Variants in SETBP1 observed in about 807,000 individuals in gnomAD.
SETBP1 encodes SET-binding protein.
Under a neutral mutation model 101.0 loss-of-function variants are expected in SETBP1, and 9 were observed. The observed-to-expected ratio is 0.09, with a 90% CI of 0.05 to 0.16. The LOEUF is 0.16. Among genes scored for constraint, SETBP1 ranks in the 10% least tolerant of loss-of-function variants. SETBP1 has a pLI of 1.00. For missense variants in SETBP1, 1,858 were observed against 2,033.8 expected, an observed-to-expected ratio of 0.91 and a Z score of 1.66; for synonymous variants, 818 against 788.5, an observed-to-expected ratio of 1.04 and a Z score of -0.63.
chr18:44,844,351 G>GCA lies in SETBP1; in HGVS notation c.487-24878_487-24877insAC, dbSNP rs201004447. 1.7e-3 allele frequency among the ~76,000 whole-genome samples: 183 copies of GCA among 106,142 alleles called. 1 individual carries two copies. The highest frequency in any genetic ancestry group is 0.014 in the East Asian group (39 of 2,876). 69.6% of individuals were successfully genotyped at this position (106,142 alleles called of 152,430 possible). A position where few individuals can be genotyped will look rare whatever the true frequency, so the allele number is the denominator to read the frequency against. ...CCCACACACACACGTGCACACACGCGCGCACACACACACACACACACTATT... is the reference window on the plus strand; with the variant it reads ...CCCACACACACACGTGCACACACGCGCACGCACACACACACACACACACTATT... On this transcript the variant is annotated intron_variant, in intron 2 of 5. Transcript: ENST00000649279.
rs746987130 is a variant in SETBP1, at chr18:44,953,030, C to T, written c.3690C>T (p.Thr1230=). 6.2e-6 allele frequency: 10 copies of T among 1,613,930 alleles called. No individual in the cohort carries two copies. In the South Asian group the frequency reaches 9.9e-5, roughly 16 times the overall value. Residue 1230 remains threonine (T), a synonymous_variant, in exon 4 of 6, where the codon ACC becomes ACT. Coordinates refer to ENST00000649279, the MANE Select transcript of SETBP1 (RefSeq NM_015559.3). ...KASKNNFEVD[T]LSTLSLSDAQ... is the part of the protein sequence containing the mutation. ...CTAAGAACAACTTTGAGGTGGACAC[C>T]CTGTCTACACTGTCACTTTCCGACG...
At chr18:44,851,306 T>A (rs1429442268) in intron 2 of SETBP1, among the ~76,000 whole-genome samples, 1 of 152,190 alleles carries the variant, frequency 6.6e-6, no homozygotes, top group Non-Finnish European at 1.5e-5. Context: ...ATGGTAGTGA[T>A]GTTTATGATC....
intron 4 of SETBP1, among the ~76,000 whole-genome samples, chr18:44,961,260 A>C (rs1423324876): frequency 6.6e-6 from 1 of 152,242 alleles, no homozygotes; most frequent in African/African-American, 2.4e-5. Context: ...GAAAGAAGTG[A>C]TCAGCAGAGC....
At chr18:44,883,874 G>C (rs2069583940) in intron 3 of SETBP1, among the ~76,000 whole-genome samples, 1 of 152,130 alleles carries the variant, frequency 6.6e-6, no homozygotes, top group African/African-American at 2.4e-5. Context: ...CTTTTGTTCA[G>C]TCATGAGACA....
chr18:44,813,836 T>C (rs1220251439), intron 2 of SETBP1, among the ~76,000 whole-genome samples: 1 of 152,198 alleles, frequency 6.6e-6, no homozygotes, highest in Non-Finnish European at 1.5e-5. Flanking sequence ...GGACCACATC[T>C]GTTTCTGGAC....
intron 3 of SETBP1, among the ~76,000 whole-genome samples, chr18:44,932,809 A>T (rs905874775): frequency 1.3e-5 from 2 of 151,912 alleles, no homozygotes; most frequent in African/African-American, 4.8e-5. Context: ...TCATTTAAGG[A>T]CTTCTCTACA....
rs940213268 is a variant in SETBP1 at position 45,015,893 on chromosome 18, A to C, written c.4001-22592A>C. Among the ~76,000 whole-genome samples, 13 of 152,208 alleles carry C rather than the reference A, an allele frequency of 8.5e-5. 1 individual carries two copies. On this transcript the variant is annotated intron_variant, in intron 4 of 5. Transcript: ENST00000649279. ...TGGGGATATTCTGTTCTTGAGTTAC[A>C]TGCTCTTACAAGATGTCACATGTAT...
At chr18:44,990,667 C>A (rs781754286) in intron 4 of SETBP1, among the ~76,000 whole-genome samples, 12 of 151,290 alleles carry the variant, frequency 7.9e-5, no homozygotes, top group East Asian at 1.9e-4. Context: ...ACAGACCCCC[C>A]CACACACACG....
Position 44,952,702 on chromosome 18 carries a change from T to C in SETBP1, c.3362T>C (p.Val1121Ala), listed in dbSNP as rs113314121. ...AKHGVHLQGP[V>A]SMGLGDMQPS... Reference sequence around the variant, plus strand: ...CATGGAGTACACCTGCAGGGACCTGTTAGCATGGGCCTTGGTGACATGCAG... The same window carrying C: ...CATGGAGTACACCTGCAGGGACCTGCTAGCATGGGCCTTGGTGACATGCAG... The change falls in exon 4 of 6, where the codon GTT becomes GCT. Residue 1121 changes from valine to alanine, a missense_variant. Transcript: ENST00000649279. 6.2e-7 allele frequency: 1 copy of C among 1,614,066 alleles called. No individual in the cohort carries two copies. The highest frequency in any genetic ancestry group is 8.5e-7 in the Non-Finnish European group (1 of 1,180,006).
intron 2 of SETBP1, among the ~76,000 whole-genome samples, chr18:44,728,132 A>T (rs1450273052): frequency 6.6e-6 from 1 of 152,230 alleles, no homozygotes; most frequent in Non-Finnish European, 1.5e-5. Context: ...AGACAGAATA[A>T]TGCACTTCTA....
chr18:44,897,101 A>G (rs2069923015), intron 3 of SETBP1, among the ~76,000 whole-genome samples: 2 of 152,154 alleles, frequency 1.3e-5, no homozygotes, highest in African/African-American at 4.8e-5. Flanking sequence ...GCCTTGTTGC[A>G]GAAAAGCACG....
intron 3 of SETBP1, among the ~76,000 whole-genome samples, chr18:44,907,640 A>T (rs934276914): frequency 2.6e-5 from 4 of 152,180 alleles, no homozygotes; most frequent in African/African-American, 7.2e-5. Context: ...GCTTCTGGCC[A>T]TATGTATATT....
chr18:45,041,966 T>A (rs1028166072), intron 5 of SETBP1, among the ~76,000 whole-genome samples: 3 of 149,792 alleles, frequency 2.0e-5, no homozygotes, highest in African/African-American at 2.4e-5. Context: ...CAAAAAAAAA[T>A]AAAAAATTTT....
intron 3 of SETBP1, among the ~76,000 whole-genome samples, chr18:44,927,198 C>T (rs1435960525): frequency 6.6e-6 from 1 of 152,158 alleles, no homozygotes; most frequent in Non-Finnish European, 1.5e-5. Context: ...GTCTATAGTG[C>T]CACCGAATGT....
At chr18:44,787,860 CA>C (rs11399627) in intron 2 of SETBP1, among the ~76,000 whole-genome samples, 40 of 9,220 alleles carry the variant, frequency 4.3e-3, no homozygotes, top group East Asian at 0.028. Flanking sequence ...GAGTCCGTCT[CA>C]AAAAAAAAAA....
At chr18:44,920,436 A>G (rs557595857) in intron 3 of SETBP1, among the ~76,000 whole-genome samples, 17 of 152,322 alleles carry the variant, frequency 1.1e-4, no homozygotes, top group Non-Finnish European at 2.4e-4. Context: ...TTGAATGGAC[A>G]ACTAAATAAA....
intron 2 of SETBP1, among the ~76,000 whole-genome samples, chr18:44,774,907 T>C (rs917159870): frequency 2.6e-5 from 4 of 151,986 alleles, no homozygotes; most frequent in Admixed American, 6.6e-5. Context: ...CTTGGTGTTT[T>C]TTTTTTTTCC....
At chr18:44,831,417 C>G (rs1227359878) in intron 2 of SETBP1, among the ~76,000 whole-genome samples, 1 of 152,168 alleles carries the variant, frequency 6.6e-6, no homozygotes, top group East Asian at 1.9e-4. Flanking sequence ...ACATTGCTGA[C>G]CTTTTCTTCC....
At chr18:44,853,936 G>A (rs1264376653) in intron 2 of SETBP1, among the ~76,000 whole-genome samples, 4 of 152,134 alleles carry the variant, frequency 2.6e-5, no homozygotes, top group Non-Finnish European at 5.9e-5. Context: ...CACTTCCTCA[G>A]GAAAGCCTTC....
Sources: allele counts gnomAD v4.1 joint callset (sites outside exome capture counted in the v4.1 genomes callset), GRCh38; gene constraint gnomAD v4.1.1; transcripts MANE v1.5; gene names NCBI Gene and HGNC (gene_info 2026-07-23, HGNC 2026-07-21).